Variants in DUSP10 observed in about 807,000 individuals in gnomAD.
The protein encoded by DUSP10 is dual specificity protein phosphatase 10.
Under a neutral mutation model 30.8 loss-of-function variants are expected in DUSP10, and 14 were observed. The observed-to-expected ratio is 0.46, with a 90% confidence interval of 0.30 to 0.71. The LOEUF (loss-of-function observed/expected upper bound fraction) is 0.71. Ranked by LOEUF, DUSP10 falls within the 30% of genes least tolerant of loss-of-function variation. The pLI, the probability that DUSP10 is intolerant of heterozygous loss-of-function variation, is 0.08. For missense variants in DUSP10, 550 were observed against 619.4 expected, an observed-to-expected ratio of 0.89 and a Z score of 1.19; for synonymous variants, 254 against 250.4, an observed-to-expected ratio of 1.01 and a Z score of -0.14.
chr1:221,722,307 G>A (rs757681198), intron 2 of DUSP10, among the ~76,000 whole-genome samples: 32 of 152,214 alleles, frequency 2.1e-4, no homozygotes, highest in Non-Finnish European at 2.6e-4. Flanking sequence ...GGGACTGTGT[G>A]AGAAGTGAAT....
At chr1:221,729,717 A>G (rs1047247508) in intron 2 of DUSP10, among the ~76,000 whole-genome samples, 2 of 152,238 alleles carry the variant, frequency 1.3e-5, no homozygotes, top group Admixed American at 1.3e-4. Context: ...GGTTGGTCAC[A>G]GAGCCAGAGT....
chr1:221,714,287 G>T (rs757338677), intron 2 of DUSP10, among the ~76,000 whole-genome samples: 1 of 152,126 alleles, frequency 6.6e-6, no homozygotes, highest in Non-Finnish European at 1.5e-5. Context: ...GAAGTCCTCC[G>T]TAACGTTTTC....
intron 2 of DUSP10, chr1:221,736,946 A>G (rs11118844): frequency 0.15 from 148,611 of 985,310 alleles, 12,636 homozygotes; most frequent in African/African-American, 0.35. Context: ...TGGTGAGGTC[A>G]GCAGTGTGTC....
At chr1:221,732,444 TCA>T (rs925562771) in intron 2 of DUSP10, among the ~76,000 whole-genome samples, 39 of 152,380 alleles carry the variant, frequency 2.6e-4, no homozygotes, top group Admixed American at 7.8e-4. Flanking sequence ...TTGAAAGTCC[TCA>T]GACTTTGGTC....
intron 2 of DUSP10, among the ~76,000 whole-genome samples, chr1:221,730,795 G>A (rs1206009538): frequency 6.6e-6 from 1 of 151,454 alleles, no homozygotes; most frequent in Non-Finnish European, 1.5e-5. Flanking sequence ...TGGGGGACTG[G>A]AATGAAAAAA....
At chr1:221,735,037 C>T (rs78102610) in intron 2 of DUSP10, among the ~76,000 whole-genome samples, 4,759 of 152,164 alleles carry the variant, frequency 0.031, 232 homozygotes, top group African/African-American at 0.11. Flanking sequence ...TTCTTTTCAA[C>T]TAGGGAAAAG....
Position 221,702,237 on chromosome 1 carries a change from CAA to C in DUSP10, c.*173_*174del, listed in dbSNP as rs1660626988. ...TGTGGGAGGTGAATCTCAATGGCAT[CAA>C]AAGTTATAGTCTTCTTACACTTGTT... On this transcript the variant is annotated 3_prime_UTR_variant, in exon 4 of 4. Transcript: ENST00000366899. This position sits in a 1 kb window ranked among gnomAD's most constrained non-coding sequence, Gnocchi z 4.5. The C allele has an allele frequency of 1.4e-6, 1 of 699,148 alleles. No individual in the cohort carries two copies. The highest frequency in any genetic ancestry group is 1.8e-5 in the African/African-American group (1 of 55,200). 43.3% of individuals were successfully genotyped at this position (699,148 alleles called of 1,614,324 possible). A position where few individuals can be genotyped will look rare whatever the true frequency, so the allele number is the denominator to read the frequency against.
intron 2 of DUSP10, among the ~76,000 whole-genome samples, chr1:221,727,056 GCAAA>G (rs1661443954): frequency 6.6e-6 from 1 of 152,056 alleles, no homozygotes; most frequent in South Asian, 2.1e-4. Context: ...TTATAGACAA[GCAAA>G]CAGAGGCACA....
At chr1:221,703,457 G>C (rs1249369688) in intron 3 of DUSP10, among the ~76,000 whole-genome samples, 1 of 152,178 alleles carries the variant, frequency 6.6e-6, no homozygotes, top group Non-Finnish European at 1.5e-5. Flanking sequence ...AAGATACTAT[G>C]TTCAGCTTCT....
At chr1:221,710,944 G>A (rs1454322414) in intron 2 of DUSP10, among the ~76,000 whole-genome samples, 2 of 152,200 alleles carry the variant, frequency 1.3e-5, no homozygotes, top group Non-Finnish European at 2.9e-5. Context: ...GGTGAGGCAA[G>A]GCGGGGTGGG....
At position 221,731,089 on chromosome 1, in the gene DUSP10, C is replaced by T. The variant is rs367776610; in HGVS notation, c.811+7845G>A. Among the ~76,000 whole-genome samples the T allele has an allele frequency of 1.4e-3, 215 of 152,126 alleles. 1 individual carries two copies. The highest frequency in any genetic ancestry group is 5.0e-3 in the African/African-American group (207 of 41,484). ...TTTTCTGAATGAGTATGATTACATTCGTGAATATAGAGTCTACAGTATATA... is the reference window on the plus strand; with the variant it reads ...TTTTCTGAATGAGTATGATTACATTTGTGAATATAGAGTCTACAGTATATA... On this transcript the variant is annotated intron_variant, in intron 2 of 3. Transcript: ENST00000366899.
At chr1:221,705,646 T>TG in intron 3 of DUSP10, among the ~76,000 whole-genome samples, 1 of 152,196 alleles carries the variant, frequency 6.6e-6, no homozygotes, top group East Asian at 1.9e-4. Flanking sequence ...CTTAGTAGGG[T>TG]GACCGGAAGG....
chr1:221,712,965 C>T (rs1235822693), intron 2 of DUSP10, among the ~76,000 whole-genome samples: 3 of 152,032 alleles, frequency 2.0e-5, no homozygotes, highest in Non-Finnish European at 4.4e-5. Flanking sequence ...CAATAGCCAT[C>T]CTGGTATTTT....
chr1:221,709,646 T>A (rs1244650755), intron 2 of DUSP10, among the ~76,000 whole-genome samples: 1 of 152,140 alleles, frequency 6.6e-6, no homozygotes, highest in Non-Finnish European at 1.5e-5. Flanking sequence ...AAAAACTCTC[T>A]CTGTGGACGG....
intron 2 of DUSP10, among the ~76,000 whole-genome samples, chr1:221,718,522 G>A (rs182011461): frequency 2.0e-5 from 3 of 152,164 alleles, no homozygotes; most frequent in Non-Finnish European, 2.9e-5. Flanking sequence ...CAGGAGGAGA[G>A]TGCTATAAAA....
At chr1:221,719,168 G>C (rs1661207371) in intron 2 of DUSP10, among the ~76,000 whole-genome samples, 1 of 152,192 alleles carries the variant, frequency 6.6e-6, no homozygotes, top group African/African-American at 2.4e-5. Flanking sequence ...AGTGGTAGGG[G>C]AAAGGATCAA....
chr1:221,717,766 C>G (rs1661150988), intron 2 of DUSP10, among the ~76,000 whole-genome samples: 1 of 152,120 alleles, frequency 6.6e-6, no homozygotes, highest in South Asian at 2.1e-4. Context: ...AAGAAGACAG[C>G]TGTCTGCAAG....
At chr1:221,709,056 G>A (rs1437580409) in intron 2 of DUSP10, among the ~76,000 whole-genome samples, 1 of 146,470 alleles carries the variant, frequency 6.8e-6, no homozygotes, top group Non-Finnish European at 1.5e-5. Flanking sequence ...ACAGAAAAAA[G>A]CAGCGTCCAG....
chr1:221,728,483 A>T (rs1033167416), intron 2 of DUSP10, among the ~76,000 whole-genome samples: 1 of 152,172 alleles, frequency 6.6e-6, no homozygotes, highest in South Asian at 2.1e-4. Context: ...CCTGAGCTAT[A>T]TTTGTAGGCT....
Sources: gnomAD v4.1 joint callset for allele counts (sites outside exome capture counted in the v4.1 genomes callset) on GRCh38, gnomAD v4.1.1 for gene constraint, Gnocchi (gnomAD v3.1) non-coding constraint, MANE v1.5 for transcripts, NCBI Gene and HGNC (gene_info 2026-07-23, HGNC 2026-07-21) for gene names.